The following FCRL4 variants were observed in gnomAD, a reference collection of about 807,000 sequenced individuals.
FCRL4 encodes Fc receptor like 4.
In FCRL4, 43 loss-of-function variants were observed where a neutral mutation model predicts 64.1. The observed-to-expected ratio is 0.67, with a 90% CI of 0.53 to 0.87. FCRL4 has a LOEUF of 0.87. Ranked by LOEUF, FCRL4 falls within the 40% of genes least tolerant of loss-of-function variation. The pLI is 0.00. For missense variants in FCRL4, 656 were observed against 613.5 expected (o/e 1.07, Z -0.73); for synonymous variants, 253 against 239.8 (o/e 1.05, Z -0.51).
intron 2 of FCRL4, among the ~76,000 whole-genome samples, chr1:157,594,639 C>T (rs961093047): frequency 6.6e-6 from 1 of 152,054 alleles, no homozygotes; most frequent in African/African-American, 2.4e-5. Flanking sequence ...TCCTTGGAAC[C>T]TTTTTTACTC....
chr1:157,584,730 T>G (rs1342904877), intron 6 of FCRL4, among the ~76,000 whole-genome samples: 2 of 152,142 alleles, frequency 1.3e-5, no homozygotes, highest in African/African-American at 4.8e-5. Context: ...AAGGGAAAGT[T>G]GAGCCGCATC....
At chr1:157,596,254 TGTAA>T (rs1652961779) in intron 2 of FCRL4, 70 bp downstream of exon 2, 1 of 1,495,882 alleles carries the variant, frequency 6.7e-7, no homozygotes, top group African/African-American at 1.4e-5. Flanking sequence ...CAGGGACTCT[TGTAA>T]GTATTTGAGA....
chr1:157,589,222 G>A lies in FCRL4; in HGVS notation c.289C>T (p.Arg97Cys), dbSNP rs138448208. The change falls in exon 3 of 12, where the codon CGC (arginine) becomes TGC (cysteine). Residue 97 changes from arginine to cysteine, a missense_variant. Arg to Cys is a radical substitution (Grantham distance 180). Transcript: ENST00000271532. ...ARGSPRSNPV[R>C]LLFSSDSLIL... ...TTCTCACCTGAAGAAAAGAGCAAGC[G>A]CACAGGGTTACTTCGTGGGGAGCCC... 2.3e-5 allele frequency: 37 copies of A among 1,613,788 alleles called. No homozygotes were observed. The highest frequency in any genetic ancestry group is 8.9e-5 in the East Asian group (4 of 44,880).
chr1:157,591,801 T>C (rs557737904), intron 2 of FCRL4, among the ~76,000 whole-genome samples: 2 of 152,312 alleles, frequency 1.3e-5, no homozygotes, highest in Middle Eastern at 3.4e-3. Flanking sequence ...CTTCTCTTCC[T>C]CTTTCAGAAT....
rs771988513 is a variant in FCRL4, at chr1:157,587,276, G to A, written c.847C>T (p.Arg283Trp). Residue 283 changes from arginine to tryptophan, a missense_variant and splice_region_variant, in exon 5 of 12, where the codon CGG (arginine) becomes TGG (tryptophan). Transcript: ENST00000271532. ...HSPSLQIHVQRIPVSGVLLET... is the reference protein window; with the variant it reads ...HSPSLQIHVQWIPVSGVLLET... Reference sequence around the variant, plus strand: ...AGATGCCTGGCTCTCCAACACTCACGCTGCACATGGATCTGTAGCGAGGGA... The same window carrying A: ...AGATGCCTGGCTCTCCAACACTCACACTGCACATGGATCTGTAGCGAGGGA... 5 of 1,612,054 alleles carry A rather than the reference G, an allele frequency of 3.1e-6. No individual in the cohort carries two copies. Among genetic ancestry groups the A allele is most frequent in the Non-Finnish European group, 4.2e-6 (5 of 1,178,456 alleles).
intron 7 of FCRL4, among the ~76,000 whole-genome samples, chr1:157,581,179 G>T (rs888456267): frequency 6.6e-6 from 1 of 152,204 alleles, no homozygotes; most frequent in African/African-American, 2.4e-5. Flanking sequence ...CATTTATGGT[G>T]GATTTAGGAT....
chr1:157,596,784 G>A (rs983604969), intron 1 of FCRL4, among the ~76,000 whole-genome samples: 6 of 152,224 alleles, frequency 3.9e-5, no homozygotes, highest in African/African-American at 1.2e-4. Context: ...GACAGTAGAG[G>A]GTAGTAGTTA....
chr1:157,581,761 T>A (rs2101677614), intron 6 of FCRL4, 117 bp from the exon 7 acceptor site: 1 of 753,280 alleles, frequency 1.3e-6, no homozygotes, highest in Non-Finnish European at 2.1e-6. Context: ...AAGGACTAGG[T>A]CTCATAAAGA....
intron 6 of FCRL4, 82 bp from the exon 7 acceptor site, chr1:157,581,726 G>A (rs1419578259): frequency 3.6e-5 from 40 of 1,098,380 alleles, no homozygotes; most frequent in South Asian, 5.5e-5. Context: ...GTTGGGTAAC[G>A]AGCCCTGGAA....
At position 157,573,787 on chromosome 1, in the gene FCRL4, G is replaced by A. The variant is rs1425001511; in HGVS notation, c.*1737C>T. 2 of 184,808 alleles carry A rather than the reference G, an allele frequency of 1.1e-5. No homozygotes were observed. The highest frequency in any genetic ancestry group is 6.2e-5 in the Admixed American group (1 of 16,038). The allele number at this position is 184,808 out of a possible 1,614,324, so 11.4% of individuals were successfully genotyped here. The stretch of plus-strand genomic sequence containing the variant: ...TTTAATCTAATACTTCAGTATAAGC[G>A]CTGAAAGTGAATATCCTTTTGCTTT... On this transcript the variant is annotated 3_prime_UTR_variant, in exon 12 of 12. Transcript: ENST00000271532.
intron 6 of FCRL4, among the ~76,000 whole-genome samples, chr1:157,584,192 C>T (rs1405790743): frequency 3.3e-5 from 5 of 152,180 alleles, no homozygotes; most frequent in Non-Finnish European, 1.5e-5. Context: ...GAAACACCCT[C>T]TACCATCAGT....
Position 157,575,102 on chromosome 1 carries a change from G to C in FCRL4, c.*422C>G, listed in dbSNP as rs1652369564. The C allele has an allele frequency of 7.2e-6, 2 of 277,986 alleles. No homozygotes were observed. The highest frequency in any genetic ancestry group is 2.2e-5 in the African/African-American group (1 of 46,178). 17.2% of individuals were successfully genotyped at this position (277,986 alleles called of 1,614,324 possible). On this transcript the variant is annotated 3_prime_UTR_variant, in exon 12 of 12. Transcript: ENST00000271532. ...ACAAACTGATGCAAGTGAGTCTCCA[G>C]TGAGACAATGGTTGTAGATGTATTA...
chr1:157,585,407 T>TTTCTTTCTTTCC (rs1558155205), intron 6 of FCRL4, among the ~76,000 whole-genome samples: 2,252 of 137,080 alleles, frequency 0.016, 108 homozygotes, highest in African/African-American at 0.059. Context: ...TCTTTCTTTC[T>TTTCTTTCTTTCC]TTCTTTCTTT....
In FCRL4 at chr1:157,586,237, C is replaced by T. The variant is rs200219885; in HGVS notation, c.1066G>A (p.Gly356Arg). ...CTGTTGTCTGCTGTACAGTAGTATC[C>T]CCCTGCATGGCTCTGTCTGATGGCA... is the stretch of plus-strand genomic sequence containing the variant. ...LPAIRQSHAGGYYCTADNSYG... is the reference protein window; with the variant it reads ...LPAIRQSHAGRYYCTADNSYG... The change falls in exon 6 of 12, where the codon GGA (glycine) becomes AGA (arginine). Residue 356 changes from glycine (G) to arginine (R), a missense_variant. Coordinates refer to ENST00000271532, the MANE Select transcript of FCRL4 (RefSeq NM_031282.3). 17 of 1,614,018 alleles carry T rather than the reference C, an allele frequency of 1.1e-5. No homozygotes were observed. The African/African-American group carries it at 2.0e-4, about 19-fold the overall frequency.
chr1:157,591,304 T>A (rs1159483112), intron 2 of FCRL4, among the ~76,000 whole-genome samples: 1 of 152,184 alleles, frequency 6.6e-6, no homozygotes, highest in Non-Finnish European at 1.5e-5. Context: ...TCTGTTGATC[T>A]TTAAAGGCCT....
In FCRL4 at chr1:157,586,409, G is replaced by T; in HGVS notation, c.894C>A (p.Gly298=). 1 of 1,612,452 alleles carries T rather than the reference G, an allele frequency of 6.2e-7. No homozygotes were observed. Residue 298 remains glycine, a synonymous_variant, in exon 6 of 12, where the codon GGC becomes GGA. Coordinates refer to ENST00000271532, the MANE Select transcript of FCRL4 (RefSeq NM_031282.3). ...GVLLETQPSG[G]QAVEGEMLVL... ...CCAGCATCTCCCCTTCAACAGCCTGGCCCCCTGAGGGCTGGGTCTCCAGGA... is the reference window on the plus strand; with the variant it reads ...CCAGCATCTCCCCTTCAACAGCCTGTCCCCCTGAGGGCTGGGTCTCCAGGA...
chr1:157,583,104 A>T (rs1652598857), intron 6 of FCRL4, among the ~76,000 whole-genome samples: 1 of 152,238 alleles, frequency 6.6e-6, no homozygotes, highest in Non-Finnish European at 1.5e-5. Context: ...CAGCTCCTCA[A>T]CTTACTCACT....
Position 157,587,818 on chromosome 1 carries a change from C to T in FCRL4, c.562+47G>A, listed in dbSNP as rs746018376. On this transcript the variant is annotated intron_variant, in intron 4 of 11. Coordinates refer to ENST00000271532, the MANE Select transcript of FCRL4 (RefSeq NM_031282.3). ...ATTCTTTCCTTACATGCTCAGTTTC[C>T]TATCCCTGTCATTACTAAGCAAATC... The T allele has an allele frequency of 1.4e-5, 22 of 1,542,464 alleles. No homozygotes were observed. In the East Asian group the frequency reaches 4.3e-4, roughly 30 times the overall value.
In FCRL4 at chr1:157,578,842, C is replaced by A. The variant is rs557969488; in HGVS notation, c.1288G>T (p.Ala430Ser). The A allele has an allele frequency of 6.2e-7, 1 of 1,612,438 alleles. No individual in the cohort carries two copies. Among genetic ancestry groups the A allele is most frequent in the South Asian group, 1.1e-5 (1 of 90,836 alleles). ...TGGGAGGACTCTCCTGGGCCTGGAG[C>A]GGGAGGGAGCCTGTGAGACACAGAA... ...FLGDETRLPP[A>S]PGPGESSHSI... The change falls in exon 9 of 12, where the codon GCT (alanine) becomes TCT (serine). Residue 430 changes from alanine (A) to serine (S), a missense_variant. Coordinates refer to ENST00000271532, the MANE Select transcript of FCRL4 (RefSeq NM_031282.3).
Sources: gnomAD v4.1 joint callset for allele counts (sites outside exome capture counted in the v4.1 genomes callset) on GRCh38, gnomAD v4.1.1 for gene constraint, MANE v1.5 for transcripts, NCBI Gene and HGNC (gene_info 2026-07-23, HGNC 2026-07-21) for gene names.